The following WDR27 variants were observed in gnomAD, a reference collection of about 807,000 sequenced individuals.
The protein encoded by WDR27 is WD repeat domain 27, also known as WD repeat-containing protein 27.
A neutral mutation model predicts 114.4 loss-of-function variants in WDR27; 100 were observed. That is an observed-to-expected ratio of 0.87 (90% CI 0.74 to 1.03). The LOEUF is 1.03. WDR27 is among the 50% of genes least tolerant of loss of function. The pLI, the probability that WDR27 is intolerant of heterozygous loss-of-function variation, is 0.00. For missense variants in WDR27, 1,129 were observed against 1,092.9 expected, an observed-to-expected ratio of 1.03 and a Z score of -0.47; for synonymous variants, 449 against 423.1, an observed-to-expected ratio of 1.06 and a Z score of -0.75.
At chr6:169,435,092 G>T in the WDR27 span, among the ~76,000 whole-genome samples, 1 of 152,222 alleles carries the variant, frequency 6.6e-6, no homozygotes, top group Non-Finnish European at 1.5e-5. Context: ...CTTAGGCCAT[G>T]ACTTCAGAGG....
At chr6:169,686,095 C>A (rs960519668) in intron 2 of WDR27, among the ~76,000 whole-genome samples, 2 of 152,220 alleles carry the variant, frequency 1.3e-5, no homozygotes, top group Non-Finnish European at 2.9e-5. Context: ...TTATACCCAG[C>A]AAAGCTATTT....
the WDR27 span, among the ~76,000 whole-genome samples, chr6:169,439,154 G>A: frequency 1.3e-5 from 2 of 152,040 alleles, no homozygotes; most frequent in Non-Finnish European, 2.9e-5. Flanking sequence ...TTGTATAAAG[G>A]CACTGTCAAA....
rs367609724 is a variant in WDR27, at chr6:169,570,078, C to T, written c.2645+2341G>A. 1.2e-4 allele frequency among the ~76,000 whole-genome samples: 18 copies of T among 152,320 alleles called. No homozygotes were observed. The South Asian group carries it at 1.9e-3, about 16-fold the overall frequency. On this transcript the variant is annotated intron_variant, in intron 25 of 25. Transcript: ENST00000448612. ...GCACCACGGAATGCCATTACCTCCT[C>T]ATCTACCTTCATGGTCTGCGGGGTC...
rs377224247 is a variant in WDR27 at position 169,667,303 on chromosome 6, C to G, written c.661-116G>C. On this transcript the variant is annotated intron_variant, in intron 5 of 25. Transcript: ENST00000448612. ...AGTCAACACAAATGGTTATCTAAAACAGAAAACAATAAAATGAGCACAAAA... is the reference window on the plus strand; with the variant it reads ...AGTCAACACAAATGGTTATCTAAAAGAGAAAACAATAAAATGAGCACAAAA... The G allele has an allele frequency of 1.8e-5, 22 of 1,254,596 alleles. No individual in the cohort carries two copies. In the African/African-American group the frequency reaches 3.4e-4, roughly 19 times the overall value. 77.7% of individuals were successfully genotyped at this position (1,254,596 alleles called of 1,614,324 possible). A position where few individuals can be genotyped will look rare whatever the true frequency, so the allele number is the denominator to read the frequency against.
At chr6:169,433,003 C>G in the WDR27 span, among the ~76,000 whole-genome samples, 4 of 152,188 alleles carry the variant, frequency 2.6e-5, no homozygotes, top group African/African-American at 9.7e-5. Flanking sequence ...AAAATCCAGG[C>G]TGAGGTAGTC....
chr6:169,512,305 T>C (rs578024872), intron 25 of WDR27, among the ~76,000 whole-genome samples: 13 of 152,276 alleles, frequency 8.5e-5, no homozygotes, highest in Admixed American at 6.5e-4. Context: ...AAAAATCCAA[T>C]ACTTTGATTT....
intron 21 of WDR27, among the ~76,000 whole-genome samples, chr6:169,627,749 T>A (rs148076910): frequency 6.6e-6 from 1 of 152,202 alleles, no homozygotes; most frequent in Non-Finnish European, 1.5e-5. Flanking sequence ...ACCTGACATT[T>A]AGATGGTAAG....
At chr6:169,681,853 G>A (rs1781596587) in intron 2 of WDR27, among the ~76,000 whole-genome samples, 1 of 152,130 alleles carries the variant, frequency 6.6e-6, no homozygotes, top group Non-Finnish European at 1.5e-5. Context: ...GGGCTCTTCT[G>A]CTGCACTCAG....
At chr6:169,680,025 T>C (rs559673893) in intron 2 of WDR27, among the ~76,000 whole-genome samples, 2 of 152,202 alleles carry the variant, frequency 1.3e-5, no homozygotes, top group African/African-American at 2.4e-5. Context: ...TGAAGAAAAA[T>C]CTGTCAAACT....
chr6:169,694,183 C>T (rs1785222728), intron 1 of WDR27, among the ~76,000 whole-genome samples: 1 of 152,122 alleles, frequency 6.6e-6, no homozygotes. Flanking sequence ...TGGCAGACGC[C>T]TGTAAGCCCA....
chr6:169,642,307 C>CCA (rs1457233267), intron 17 of WDR27, among the ~76,000 whole-genome samples: 3 of 151,832 alleles, frequency 2.0e-5, no homozygotes, highest in Admixed American at 1.3e-4. Flanking sequence ...GCCCTTCCCC[C>CCA]CCGCCCACAG....
At chr6:169,618,983 G>A (rs528969340) in intron 21 of WDR27, among the ~76,000 whole-genome samples, 2 of 152,144 alleles carry the variant, frequency 1.3e-5, no homozygotes, top group East Asian at 1.9e-4. Flanking sequence ...AGTAAAACCC[G>A]TAATTTTCCC....
intron 25 of WDR27, among the ~76,000 whole-genome samples, chr6:169,480,056 C>G (rs1787744072): frequency 6.6e-6 from 1 of 152,196 alleles, no homozygotes; most frequent in Non-Finnish European, 1.5e-5. Flanking sequence ...TGGGCAGGAA[C>G]CAGGGCTGTG....
rs764822337 is a variant in WDR27 at position 169,638,570 on chromosome 6, G to C, written c.1838C>G (p.Ser613Trp). The C allele has an allele frequency of 6.2e-7, 1 of 1,610,640 alleles. No homozygotes were observed. The highest frequency in any genetic ancestry group is 1.1e-5 in the South Asian group (1 of 90,328). The change falls in exon 18 of 26, where the codon TCG becomes TGG. Residue 613 changes from serine (S) to tryptophan (W), a missense_variant. By Grantham distance (177) the Ser-to-Trp change is radical. Transcript: ENST00000448612. ...CAGTGCGAGCTCTGCCCCACGAGCC[G>C]ACCACATTCGCAGGGTCCCGTCCCG... ...AARDGTLRMW[S>W]ARGAELALLL...
At chr6:169,527,012 G>T (rs1252957027) in intron 25 of WDR27, among the ~76,000 whole-genome samples, 1 of 152,212 alleles carries the variant, frequency 6.6e-6, no homozygotes, top group Non-Finnish European at 1.5e-5. Context: ...TGGCAAAGAT[G>T]TAGAGCAACT....
chr6:169,519,360 G>C (rs1794071636), intron 25 of WDR27, among the ~76,000 whole-genome samples: 1 of 152,172 alleles, frequency 6.6e-6, no homozygotes, highest in Non-Finnish European at 1.5e-5. Flanking sequence ...AATTTATTAA[G>C]AAAAGAGGTT....
intron 14 of WDR27, among the ~76,000 whole-genome samples, chr6:169,651,367 G>C (rs756349424): frequency 1.3e-5 from 2 of 152,052 alleles, no homozygotes; most frequent in Non-Finnish European, 2.9e-5. Context: ...GGAGGCGGGG[G>C]ATATGTCTGC....
chr6:169,580,933 T>TTATATATATATATATACATATA (rs1803270055), intron 24 of WDR27, among the ~76,000 whole-genome samples: 5 of 53,692 alleles, frequency 9.3e-5, no homozygotes, highest in Middle Eastern at 0.01. Context: ...TTAGTGAATT[T>TTATATATATATATATACATATA]TATATATATA....
In WDR27 at chr6:169,670,564, C is replaced by T. The variant is rs986903034; in HGVS notation, c.456+5G>A. ...CCGTGAAATCCACGTGAATTTCAAT[C>T]TTACCTCAATATCCAGCATGAATAT... On this transcript the variant is annotated splice_donor_5th_base_variant and intron_variant, in intron 4 of 25. Coordinates refer to ENST00000448612, the MANE Select transcript of WDR27 (RefSeq NM_182552.5). 12 of 1,613,894 alleles carry T rather than the reference C, an allele frequency of 7.4e-6. No individual in the cohort carries two copies. Among genetic ancestry groups the T allele is most frequent in the Non-Finnish European group, 9.3e-6 (11 of 1,179,896 alleles).
Sources: allele counts gnomAD v4.1 joint callset (sites outside exome capture counted in the v4.1 genomes callset), GRCh38; gene constraint gnomAD v4.1.1; transcripts MANE v1.5; gene names NCBI Gene and HGNC (gene_info 2026-07-23, HGNC 2026-07-21).